The following PLEKHG7 variants were observed in gnomAD, a reference collection of about 807,000 sequenced individuals.
The protein encoded by PLEKHG7 is pleckstrin homology and RhoGEF domain containing G7.
In PLEKHG7, 77 loss-of-function variants were observed where a neutral mutation model predicts 85.2. That is an observed-to-expected ratio of 0.90 (90% confidence interval 0.75 to 1.09). The LOEUF (loss-of-function observed/expected upper bound fraction) is 1.09, where lower values mean the gene tolerates loss of function less well. PLEKHG7 is among the 50% of genes least tolerant of loss of function. PLEKHG7 has a pLI of 0.00. For synonymous variants in PLEKHG7, 301 were observed against 302.4 expected (o/e 1.00, Z 0.05); for missense variants, 777 against 804.3 (o/e 0.97, Z 0.41).
chr12:92,744,589 A>T (rs1872469538), intron 9 of PLEKHG7, among the ~76,000 whole-genome samples: 1 of 152,070 alleles, frequency 6.6e-6, no homozygotes, highest in Admixed American at 6.6e-5. Context: ...GAAGACAAGC[A>T]TTAGATTGAG....
At chr12:92,717,224 A>C (rs1305481187) in intron 3 of PLEKHG7, among the ~76,000 whole-genome samples, 3 of 152,238 alleles carry the variant, frequency 2.0e-5, no homozygotes, top group South Asian at 2.1e-4. Context: ...AATTAAATAC[A>C]TCCATATTAG....
Position 92,706,551 on chromosome 12 carries a change from G to T in PLEKHG7, c.-81G>T. ...AGCATGGCACTTGGATGCAGAAATT[G>T]AGCACCCTCCATGTGATCCAGAGAA... On this transcript the variant is annotated 5_prime_UTR_variant, in exon 2 of 17. It removes the in-frame stop codon of an upstream open reading frame in the 5' UTR. Coordinates refer to ENST00000344636, the MANE Select transcript of PLEKHG7 (RefSeq NM_001377329.1). 1 of 1,481,310 alleles carries T rather than the reference G, an allele frequency of 6.8e-7. No individual in the cohort carries two copies. The highest frequency in any genetic ancestry group is 9.0e-7 in the Non-Finnish European group (1 of 1,113,694). The allele number at this position is 1,481,310 out of a possible 1,614,324, so 91.8% of individuals were successfully genotyped here. A position where few individuals can be genotyped will look rare whatever the true frequency, so the allele number is the denominator to read the frequency against.
chr12:92,754,288 T>C (rs1244410782), intron 11 of PLEKHG7, 24 bp downstream of exon 11: 3 of 1,607,978 alleles, frequency 1.9e-6, no homozygotes, highest in East Asian at 2.2e-5. Flanking sequence ...ATAAGTGAGC[T>C]TAATTACAGA....
intron 11 of PLEKHG7, among the ~76,000 whole-genome samples, 168 bp downstream of exon 11, chr12:92,754,432 TG>T (rs911119408): frequency 2.6e-5 from 4 of 152,154 alleles, no homozygotes; most frequent in Non-Finnish European, 5.9e-5. Context: ...CACAGAACAA[TG>T]GGCTCCAGTC....
chr12:92,745,653 T>A, intron 10 of PLEKHG7, 62 bp downstream of exon 10: 1 of 1,052,880 alleles, frequency 9.5e-7, no homozygotes, highest in Non-Finnish European at 1.5e-6. Context: ...TCACATGTAC[T>A]GGGAATGATT....
chr12:92,723,484 C>G (rs1480870687), intron 3 of PLEKHG7, among the ~76,000 whole-genome samples: 1 of 152,034 alleles, frequency 6.6e-6, no homozygotes, highest in Non-Finnish European at 1.5e-5. Flanking sequence ...GAGTGTCAGT[C>G]TAATGGAAAA....
chr12:92,744,101 T>G (rs1051563192), intron 9 of PLEKHG7, among the ~76,000 whole-genome samples: 1 of 152,214 alleles, frequency 6.6e-6, no homozygotes, highest in Admixed American at 6.5e-5. Context: ...CAAAATATTT[T>G]TCTAGGTTTC....
intron 15 of PLEKHG7, among the ~76,000 whole-genome samples, chr12:92,766,646 C>T (rs930923402): frequency 1.3e-5 from 2 of 151,966 alleles, no homozygotes; most frequent in Non-Finnish European, 2.9e-5. Context: ...AGTTCAAGAC[C>T]AGCCTGGTCA....
chr12:92,761,646 GAAAGAAAGAAAGAAAGA>G lies in PLEKHG7; in HGVS notation c.1637-103_1637-87del, dbSNP rs1219382213. ...AAGAAGAAAGAAAGAAAGAAAGAAAGAAAGAAAGAAAGAAAGAAAGAAAGAAAGAAAGAAAGAAAGGG... is the reference window on the plus strand; with the variant it reads ...AAGAAGAAAGAAAGAAAGAAAGAAAGAAGAAAGAAAGAAAGAAAGAAAGGG... On this transcript the variant is annotated intron_variant, in intron 13 of 16. Transcript: ENST00000344636. 2.0e-5 allele frequency: 21 copies of G among 1,044,818 alleles called. No individual in the cohort carries two copies. In the African/African-American group the frequency reaches 2.7e-4, roughly 14 times the overall value. The allele number at this position is 1,044,818 out of a possible 1,614,324, so 64.7% of individuals were successfully genotyped here.
At chr12:92,743,094 A>G (rs905384663) in intron 9 of PLEKHG7, among the ~76,000 whole-genome samples, 1 of 152,218 alleles carries the variant, frequency 6.6e-6, no homozygotes, top group Non-Finnish European at 1.5e-5. Context: ...GTGCCACGGT[A>G]GCAAATGACC....
At chr12:92,765,883 G>A (rs1873181783) in intron 15 of PLEKHG7, among the ~76,000 whole-genome samples, 1 of 152,144 alleles carries the variant, frequency 6.6e-6, no homozygotes, top group African/African-American at 2.4e-5. Context: ...CAGAAGGGAA[G>A]CCTGTATCCA....
At chr12:92,757,821 C>T (rs1394157076) in intron 13 of PLEKHG7, among the ~76,000 whole-genome samples, 1 of 152,110 alleles carries the variant, frequency 6.6e-6, no homozygotes, top group Non-Finnish European at 1.5e-5. Context: ...CTGCAGGCAA[C>T]CAGAAGTCAT....
At chr12:92,761,632 AAGAAAGAAAG>A (rs1441275577) in intron 13 of PLEKHG7, 110 bp from the exon 14 acceptor site, 6 of 225,964 alleles carry the variant, frequency 2.7e-5, no homozygotes, top group Non-Finnish European at 3.6e-5. Context: ...AGAAGAAAGA[AAGAAAGAAAG>A]AAAGAAAGAA....
chr12:92,732,449 G>A (rs1180304484), intron 5 of PLEKHG7, among the ~76,000 whole-genome samples, 176 bp downstream of exon 5: 2 of 152,170 alleles, frequency 1.3e-5, no homozygotes, highest in Admixed American at 1.3e-4. Context: ...GCCAAGTGGT[G>A]CCAATTTGTG....
At chr12:92,707,695 C>A (rs772869067) in intron 3 of PLEKHG7, 23 bp downstream of exon 3, 1 of 1,613,854 alleles carries the variant, frequency 6.2e-7, no homozygotes, top group Non-Finnish European at 8.5e-7. Flanking sequence ...TTATTTTCTC[C>A]GGTGCTATGA....
At chr12:92,719,714 A>G (rs1228293877) in intron 3 of PLEKHG7, among the ~76,000 whole-genome samples, 1 of 152,222 alleles carries the variant, frequency 6.6e-6, no homozygotes, top group Non-Finnish European at 1.5e-5. Flanking sequence ...AAAGGCTAGG[A>G]GTCCTTGGCT....
chr12:92,706,519 G>A lies in PLEKHG7; in HGVS notation c.-113G>A, dbSNP rs866483364. The stretch of plus-strand genomic sequence containing the variant: ...TCCTCTGGAAAAGGAAAAGAACTAC[G>A]AGAGGAAGCATGGCACTTGGATGCA... On this transcript the variant is annotated 5_prime_UTR_variant, in exon 2 of 17. Coordinates refer to ENST00000344636, the MANE Select transcript of PLEKHG7 (RefSeq NM_001377329.1). 2.5e-5 allele frequency: 33 copies of A among 1,311,830 alleles called. No homozygotes were observed. Among genetic ancestry groups the A allele is most frequent in the African/African-American group, 1.9e-4 (13 of 67,930 alleles). 81.3% of individuals were successfully genotyped at this position (1,311,830 alleles called of 1,614,324 possible). A position where few individuals can be genotyped will look rare whatever the true frequency, so the allele number is the denominator to read the frequency against.
At chr12:92,715,817 C>T (rs967124082) in intron 3 of PLEKHG7, among the ~76,000 whole-genome samples, 1 of 149,616 alleles carries the variant, frequency 6.7e-6, no homozygotes, top group African/African-American at 2.5e-5. Flanking sequence ...TTTATTGGAA[C>T]ACACCAACGC....
intron 6 of PLEKHG7, among the ~76,000 whole-genome samples, chr12:92,736,835 A>C (rs984930968): frequency 6.6e-6 from 1 of 152,192 alleles, no homozygotes; most frequent in African/African-American, 2.4e-5. Context: ...ACAAATGTTA[A>C]AAGTGGGTGT....
Sources: gnomAD v4.1 joint callset for allele counts (sites outside exome capture counted in the v4.1 genomes callset) on GRCh38, gnomAD v4.1.1 for gene constraint, MANE v1.5 for transcripts, NCBI Gene and HGNC (gene_info 2026-07-23, HGNC 2026-07-21) for gene names.